PMS1: variants seen among roughly 807,000 people sequenced by gnomAD.
The protein encoded by PMS1 is PMS1 protein homolog 1.
In PMS1, 79 loss-of-function variants were observed where a neutral mutation model predicts 93.1. The observed-to-expected ratio is 0.85, with a 90% CI of 0.71 to 1.02. The LOEUF (loss-of-function observed/expected upper bound fraction) is 1.02, where lower values mean the gene tolerates loss of function less well. Ranked by LOEUF, PMS1 falls within the 50% of genes least tolerant of loss-of-function variation. The pLI is 0.00. For synonymous variants in PMS1, 335 were observed against 363.4 expected (o/e 0.92, Z 0.89); for missense variants, 1,064 against 1,085.3 (o/e 0.98, Z 0.28).
intron 4 of PMS1, among the ~76,000 whole-genome samples, chr2:189,808,431 A>T (rs568017105): frequency 6.6e-6 from 1 of 152,154 alleles, no homozygotes; most frequent in East Asian, 1.9e-4. Flanking sequence ...AGGTTCAAAC[A>T]GTTCTTGTGC....
intron 5 of PMS1, among the ~76,000 whole-genome samples, chr2:189,830,868 A>G (rs368226910): frequency 5.3e-5 from 8 of 152,226 alleles, no homozygotes; most frequent in African/African-American, 1.7e-4. Flanking sequence ...AACAGCAAGT[A>G]TTAGCTCTCA....
chr2:189,791,705 A>G (rs374085817), intron 1 of PMS1, 85 bp from the exon 2 acceptor site: 6 of 895,366 alleles, frequency 6.7e-6, no homozygotes, highest in Admixed American at 1.8e-5. Flanking sequence ...AAGATGATCT[A>G]TTTTCATCTG....
At chr2:189,869,038 A>AT (rs1168329114) in intron 11 of PMS1, among the ~76,000 whole-genome samples, 1 of 152,234 alleles carries the variant, frequency 6.6e-6, no homozygotes, top group Non-Finnish European at 1.5e-5. Context: ...ATCCTTGTAA[A>AT]GTAGGTTCTA....
At chr2:189,849,512 A>T (rs256576) in intron 6 of PMS1, among the ~76,000 whole-genome samples, 1 of 151,966 alleles carries the variant, frequency 6.6e-6, no homozygotes, top group Non-Finnish European at 1.5e-5. Flanking sequence ...AGTCCTTTTC[A>T]TATTGCTCTA....
chr2:189,867,961 T>G, intron 11 of PMS1, 32 bp downstream of exon 11: 2 of 1,558,822 alleles, frequency 1.3e-6, no homozygotes, highest in Non-Finnish European at 1.8e-6. Flanking sequence ...TTTTCTGATG[T>G]GGAAAAATTA....
chr2:189,814,985 G>C (rs1304603728), intron 4 of PMS1, among the ~76,000 whole-genome samples: 1 of 151,690 alleles, frequency 6.6e-6, no homozygotes, highest in Non-Finnish European at 1.5e-5. Flanking sequence ...TGTAGTCCCA[G>C]CTACTCAGGA....
Position 189,809,447 on chromosome 2 carries a change from C to CTTTTTTTTTTTTTTTT in PMS1, c.418+3705_418+3720dup, listed in dbSNP as rs972672920. ...TTGGTGCTTTTAAGGAAGCACATTT[C>CTTTTTTTTTTTTTTTT]TTTTTTTTTTTTTTTTTTTTTTTTT... is the stretch of plus-strand genomic sequence containing the variant. On this transcript the variant is annotated intron_variant, in intron 4 of 12. Transcript: ENST00000441310. Among the ~76,000 whole-genome samples the CTTTTTTTTTTTTTTTT allele has an allele frequency of 1.1e-3, 71 of 63,466 alleles. 11 individuals are homozygous for CTTTTTTTTTTTTTTTT. The highest frequency in any genetic ancestry group is 1.7e-3 in the South Asian group (3 of 1,732). 41.6% of individuals were successfully genotyped at this position (63,466 alleles called of 152,430 possible).
intron 2 of PMS1, among the ~76,000 whole-genome samples, chr2:189,795,544 C>G (rs1049333827): frequency 2.0e-5 from 3 of 152,242 alleles, no homozygotes; most frequent in Admixed American, 2.0e-4. Flanking sequence ...ATCAGCCTAA[C>G]CTCCTTATTC....
intron 6 of PMS1, among the ~76,000 whole-genome samples, chr2:189,847,074 CTGGTCT>C (rs1162684029): frequency 6.6e-6 from 1 of 151,968 alleles, no homozygotes; most frequent in Non-Finnish European, 1.5e-5. Flanking sequence ...GTTGAACAGG[CTGGTCT>C]TGAACTCCTG....
At chr2:189,868,388 G>A (rs567943385) in intron 11 of PMS1, among the ~76,000 whole-genome samples, 1 of 152,284 alleles carries the variant, frequency 6.6e-6, no homozygotes, top group African/African-American at 2.4e-5. Flanking sequence ...TTGGTTCCAT[G>A]GCTTTGGTAA....
chr2:189,802,376 T>A (rs1358451204), intron 3 of PMS1, among the ~76,000 whole-genome samples: 1 of 152,170 alleles, frequency 6.6e-6, no homozygotes, highest in African/African-American at 2.4e-5. Context: ...AAGAAAATTA[T>A]AAGAGAAAAT....
intron 6 of PMS1, 97 bp from the exon 7 acceptor site, chr2:189,852,558 C>G (rs2054852317): frequency 3.8e-6 from 4 of 1,042,124 alleles, no homozygotes; most frequent in Non-Finnish European, 5.9e-6. Context: ...AGATGAAAAT[C>G]TGTTTTTTAA....
intron 2 of PMS1, among the ~76,000 whole-genome samples, chr2:189,793,869 A>G (rs951738686): frequency 9.2e-5 from 14 of 152,164 alleles, no homozygotes; most frequent in African/African-American, 3.4e-4. Context: ...TCCTGACTAG[A>G]TATGTTTTCA....
At chr2:189,868,983 G>A (rs2056906649) in intron 11 of PMS1, among the ~76,000 whole-genome samples, 1 of 152,042 alleles carries the variant, frequency 6.6e-6, no homozygotes, top group South Asian at 2.1e-4. Flanking sequence ...ATTATGTACA[G>A]GGCACTATTC....
At chr2:189,833,173 C>T (rs2053103083) in intron 5 of PMS1, among the ~76,000 whole-genome samples, 1 of 152,192 alleles carries the variant, frequency 6.6e-6, no homozygotes, top group Admixed American at 6.5e-5. Flanking sequence ...ATTTGCTTCT[C>T]ATAGAATAGT....
chr2:189,803,644 C>CA (rs5743005), intron 3 of PMS1, among the ~76,000 whole-genome samples: 7,241 of 151,768 alleles, frequency 0.048, 277 homozygotes, highest in African/African-American at 0.1. Flanking sequence ...GTGCCCGGTC[C>CA]AAAAAAAAGT....
intron 1 of PMS1, among the ~76,000 whole-genome samples, chr2:189,786,608 A>G (rs182695585): frequency 6.6e-6 from 1 of 152,302 alleles, no homozygotes; most frequent in Non-Finnish European, 1.5e-5. Context: ...TAGTTTTGTG[A>G]TCTTGAGCAA....
At chr2:189,856,886 C>A (rs2055390786) in intron 9 of PMS1, among the ~76,000 whole-genome samples, 1 of 152,022 alleles carries the variant, frequency 6.6e-6, no homozygotes, top group Non-Finnish European at 1.5e-5. Context: ...ATTAATAGGC[C>A]TCATCTAAAA....
chr2:189,877,256 C>T lies in PMS1; in HGVS notation c.2635-16C>T. 1 of 1,610,098 alleles carries T rather than the reference C, an allele frequency of 6.2e-7. No homozygotes were observed. Among genetic ancestry groups the T allele is most frequent in the Non-Finnish European group, 8.5e-7 (1 of 1,176,372 alleles). ...GGGTATATCATGGTAAAATGTGTGA[C>T]TTTCCCTTTGGACAGGGAGAAGCAG... is the stretch of plus-strand genomic sequence containing the variant. On this transcript the variant is annotated splice_polypyrimidine_tract_variant and intron_variant, in intron 12 of 12. Transcript: ENST00000441310.
Sources: gnomAD v4.1 joint callset for allele counts (sites outside exome capture counted in the v4.1 genomes callset) on GRCh38, gnomAD v4.1.1 for gene constraint, MANE v1.5 for transcripts, NCBI Gene and HGNC (gene_info 2026-07-23, HGNC 2026-07-21) for gene names.